NSUN6: variants seen among roughly 807,000 people sequenced by gnomAD.
NSUN6 encodes NOP2/Sun RNA methyltransferase 6, also known as tRNA (cytosine(72)-C(5))-methyltransferase NSUN6.
NSUN6 carries 64 observed loss-of-function variants against 58.0 expected under a neutral mutation model. The ratio of observed to expected loss-of-function variants is 1.10; its 90% CI spans 0.90 to 1.36. NSUN6 has a LOEUF of 1.36. Among genes scored for constraint, NSUN6 ranks in the 40% most tolerant of loss-of-function variants. NSUN6 has a pLI of 0.00. For missense variants in NSUN6, 701 were observed against 550.1 expected (o/e 1.27, Z -2.74); for synonymous variants, 231 against 193.9 (o/e 1.19, Z -1.59).
intron 8 of NSUN6, among the ~76,000 whole-genome samples, chr10:18,575,949 C>T (rs1448471289): frequency 6.6e-6 from 1 of 152,132 alleles, no homozygotes; most frequent in Non-Finnish European, 1.5e-5. Context: ...ATCACATCCT[C>T]ATCAAAAGCT....
intron 3 of NSUN6, among the ~76,000 whole-genome samples, chr10:18,629,233 C>T (rs1175177966): frequency 1.3e-5 from 2 of 152,096 alleles, no homozygotes; most frequent in African/African-American, 4.8e-5. Flanking sequence ...CAGGCCTGCC[C>T]TAAAAGAGCT....
chr10:18,606,560 T>C (rs1244459489), intron 6 of NSUN6, among the ~76,000 whole-genome samples: 1 of 152,190 alleles, frequency 6.6e-6, no homozygotes, highest in Non-Finnish European at 1.5e-5. Context: ...CTAACATTCA[T>C]AACGTAGTAA....
At chr10:18,642,907 C>G (rs1486883661) in intron 2 of NSUN6, among the ~76,000 whole-genome samples, 1 of 152,086 alleles carries the variant, frequency 6.6e-6, no homozygotes, top group Non-Finnish European at 1.5e-5. Flanking sequence ...ATGTTAAAGA[C>G]TGAGATTACT....
intron 3 of NSUN6, 50 bp from the exon 4 acceptor site, chr10:18,616,343 T>C (rs761651648): frequency 1.8e-6 from 2 of 1,104,256 alleles, no homozygotes; most frequent in Admixed American, 1.7e-5. Flanking sequence ...CTCCAATGCC[T>C]ACCAATTTTT....
At chr10:18,606,167 G>A (rs538499728) in intron 6 of NSUN6, among the ~76,000 whole-genome samples, 1 of 152,174 alleles carries the variant, frequency 6.6e-6, no homozygotes, top group Non-Finnish European at 1.5e-5. Context: ...ATCTGGGTCT[G>A]TATCACAATA....
intron 8 of NSUN6, among the ~76,000 whole-genome samples, chr10:18,577,033 A>T (rs7077722): frequency 6.6e-6 from 1 of 152,018 alleles, no homozygotes; most frequent in African/African-American, 2.4e-5. Context: ...ATTTGAGTCA[A>T]TATTTTGGTA....
chr10:18,617,935 T>C (rs2058470392), intron 3 of NSUN6, among the ~76,000 whole-genome samples: 1 of 152,194 alleles, frequency 6.6e-6, no homozygotes, highest in South Asian at 2.1e-4. Context: ...AATGCCTCGA[T>C]CTTGGACTTC....
At chr10:18,598,239 G>A (rs528536219) in intron 6 of NSUN6, among the ~76,000 whole-genome samples, 4 of 152,012 alleles carry the variant, frequency 2.6e-5, no homozygotes, top group Admixed American at 1.3e-4. Context: ...TAACTCCACC[G>A]CCTATCCCAA....
intron 3 of NSUN6, among the ~76,000 whole-genome samples, chr10:18,632,748 A>G (rs2059078641): frequency 1.3e-5 from 2 of 152,200 alleles, no homozygotes; most frequent in South Asian, 2.1e-4. Context: ...TTAAAAAGTC[A>G]GGAAACAACA....
At chr10:18,611,210 T>A (rs552846629) in intron 5 of NSUN6, among the ~76,000 whole-genome samples, 34 of 151,944 alleles carry the variant, frequency 2.2e-4, no homozygotes, top group South Asian at 1.0e-3. Context: ...TTTAAAAAAA[T>A]TTTTTTTAAA....
At chr10:18,640,209 G>C (rs12219183) in intron 3 of NSUN6, among the ~76,000 whole-genome samples, 3 of 151,982 alleles carry the variant, frequency 2.0e-5, no homozygotes, top group Non-Finnish European at 2.9e-5. Flanking sequence ...GAGTACACAT[G>C]ATTACGCATG....
At chr10:18,592,502 T>C (rs540958632) in intron 7 of NSUN6, among the ~76,000 whole-genome samples, 27 of 152,050 alleles carry the variant, frequency 1.8e-4, no homozygotes, top group Non-Finnish European at 2.4e-4. Context: ...AAAACAGCAA[T>C]GTACTGGTAA....
In NSUN6 at chr10:18,558,252, A is replaced by T. The variant is rs115961994; in HGVS notation, c.923-6281T>A. Among the ~76,000 whole-genome samples the T allele has an allele frequency of 3.9e-3, 586 of 150,804 alleles. 5 individuals carry two copies. Among genetic ancestry groups the T allele is most frequent in the African/African-American group, 0.013 (534 of 41,162 alleles). ...GGAATGGGGAGTAGTATGGAGTGCA[A>T]TAGAGAATGGAAGGGAATGGAATGG... On this transcript the variant is annotated intron_variant, in intron 8 of 10. Coordinates refer to ENST00000377304, the MANE Select transcript of NSUN6 (RefSeq NM_182543.5).
chr10:18,557,277 T>A lies in NSUN6; in HGVS notation c.923-5306A>T, dbSNP rs7071192. Among the ~76,000 whole-genome samples, 3 of 151,582 alleles carry A rather than the reference T, an allele frequency of 2.0e-5. No individual in the cohort carries two copies. The East Asian group carries it at 5.8e-4, about 29-fold the overall frequency. ...GAATGGAATGGAATGGAGAATGCTA[T>A]GGAATGCAGTGGAGAGTGGAAGAGA... On this transcript the variant is annotated intron_variant, in intron 8 of 10. Transcript: ENST00000377304.
upstream of NSUN6, among the ~76,000 whole-genome samples, chr10:18,656,968 A>G (rs1454902812): frequency 1.6e-4 from 24 of 151,936 alleles, no homozygotes; most frequent in Admixed American, 1.6e-3. Flanking sequence ...TCGGGACTAC[A>G]CATGTGCACC....
At position 18,648,499 on chromosome 10, in the gene NSUN6, T is replaced by C; in HGVS notation, c.222A>G (p.Glu74=). ...GAAAATTTCCACAAACCTTCTGAAG[T>C]TCATCAAGTAACAGATTTTTCACAT... ...VQHVKNLLLD[E]LQKQFNGLSV... is the part of the protein sequence containing the mutation. Residue 74 remains glutamate, a synonymous_variant, in exon 2 of 11, where the codon GAA becomes GAG. Coordinates refer to ENST00000377304, the MANE Select transcript of NSUN6 (RefSeq NM_182543.5). The C allele has an allele frequency of 6.3e-7, 1 of 1,597,702 alleles. No homozygotes were observed. The highest frequency in any genetic ancestry group is 2.2e-5 in the East Asian group (1 of 44,628).
intron 3 of NSUN6, 59 bp from the exon 4 acceptor site, chr10:18,616,352 T>C: frequency 1.0e-6 from 1 of 998,490 alleles, no homozygotes; most frequent in Non-Finnish European, 1.6e-6. Context: ...CTACCAATTT[T>C]TCCCGTGTTC....
intron 6 of NSUN6, among the ~76,000 whole-genome samples, chr10:18,608,976 A>T (rs556002875): frequency 2.0e-5 from 3 of 152,364 alleles, no homozygotes; most frequent in South Asian, 2.1e-4. Context: ...TGTTCACACC[A>T]GAAATAATCC....
chr10:18,562,299 G>A (rs116955042), intron 8 of NSUN6, among the ~76,000 whole-genome samples: 4 of 150,530 alleles, frequency 2.7e-5, no homozygotes, highest in East Asian at 3.9e-4. Flanking sequence ...GGAATGCAAC[G>A]GAGAATGGAA....
Sources: allele counts gnomAD v4.1 joint callset (sites outside exome capture counted in the v4.1 genomes callset), GRCh38; gene constraint gnomAD v4.1.1; transcripts MANE v1.5; gene names NCBI Gene and HGNC (gene_info 2026-07-23, HGNC 2026-07-21).